Variants in GFRA2 observed in about 807,000 individuals in gnomAD.
GFRA2 encodes the protein GDNF family receptor alpha-2.
Under a neutral mutation model 48.3 loss-of-function variants are expected in GFRA2, and 17 were observed. That is an observed-to-expected ratio of 0.35 (90% CI 0.24 to 0.53). The LOEUF (loss-of-function observed/expected upper bound fraction) is 0.53, where lower values mean the gene tolerates loss of function less well. Ranked by LOEUF, GFRA2 falls within the 20% of genes least tolerant of loss-of-function variation. The pLI is 0.93. For synonymous variants in GFRA2, 305 were observed against 257.2 expected (o/e 1.19, Z -1.78); for missense variants, 660 against 637.3 (o/e 1.04, Z -0.38).
rs13262184 is a variant in GFRA2, at chr8:21,713,064, A to G, written c.795-7023T>C. Among the ~76,000 whole-genome samples the G allele has an allele frequency of 1.2e-3, 160 of 129,728 alleles. 1 individual carries two copies. The highest frequency in any genetic ancestry group is 4.2e-3 in the African/African-American group (115 of 27,364). The allele number at this position is 129,728 out of a possible 152,430, so 85.1% of individuals were successfully genotyped here. ...GGGAGAGGGAGAGGGAGACGAGGGA[A>G]AGGGAGAGGGAGAGGGAGAGGCAGA... On this transcript the variant is annotated intron_variant, in intron 4 of 8. Coordinates refer to ENST00000524240, the MANE Select transcript of GFRA2 (RefSeq NM_001495.5).
chr8:21,768,683 A>G (rs1231573431), intron 3 of GFRA2, among the ~76,000 whole-genome samples: 2 of 152,098 alleles, frequency 1.3e-5, no homozygotes, highest in Non-Finnish European at 2.9e-5. Flanking sequence ...CCAAGGCCAC[A>G]GGGGTGTCTT....
chr8:21,777,331 G>T (rs1302987862), intron 2 of GFRA2, among the ~76,000 whole-genome samples: 2 of 151,946 alleles, frequency 1.3e-5, no homozygotes, highest in Non-Finnish European at 2.9e-5. Context: ...GTGGTGTGGG[G>T]GCCTGTCCTT....
chr8:21,701,422 T>C (rs1361934400), intron 7 of GFRA2, among the ~76,000 whole-genome samples: 1 of 152,078 alleles, frequency 6.6e-6, no homozygotes, highest in East Asian at 1.9e-4. Context: ...AATAAAAACA[T>C]TGTAATTAAA....
chr8:21,759,905 AAG>A (rs1805814522), intron 3 of GFRA2, among the ~76,000 whole-genome samples: 1 of 151,828 alleles, frequency 6.6e-6, no homozygotes, highest in East Asian at 1.9e-4. Context: ...AAAAAAAAAA[AAG>A]AATGACCAGC....
At position 21,693,285 on chromosome 8, in the gene GFRA2, G is replaced by C; in HGVS notation, c.1388C>G (p.Ala463Gly). The C allele has an allele frequency of 6.2e-7, 1 of 1,611,962 alleles. No homozygotes were observed. Among genetic ancestry groups the C allele is most frequent in the Non-Finnish European group, 8.5e-7 (1 of 1,178,942 alleles). ...TGACTCGGTTCCCACAGCCTACAAGGCCAGTTTCAGCATCAGGACAGACAG... is the reference window on the plus strand; with the variant it reads ...TGACTCGGTTCCCACAGCCTACAAGCCCAGTTTCAGCATCAGGACAGACAG... The part of the protein sequence containing the change: ...TVLSVLMLKL[A>G]L Residue 463 changes from alanine to glycine, a missense_variant, in exon 9 of 9, where the codon GCC becomes GGC. Coordinates refer to ENST00000524240, the MANE Select transcript of GFRA2 (RefSeq NM_001495.5).
Position 21,697,448 on chromosome 8 carries a change from G to A in GFRA2, c.1219-2931C>T, listed in dbSNP as rs541470524. Among the ~76,000 whole-genome samples, 5 of 152,156 alleles carry A rather than the reference G, an allele frequency of 3.3e-5. No individual in the cohort carries two copies. In the Middle Eastern group the frequency reaches 0.017, roughly 518 times the overall value. ...CATCCCAAGGGACATCTGCCCCAAG[G>A]TGTGGTCTCTGCCAGGGGCAACAGG... On this transcript the variant is annotated intron_variant, in intron 7 of 8. Transcript: ENST00000524240.
At chr8:21,761,461 TG>T (rs940789965) in intron 3 of GFRA2, among the ~76,000 whole-genome samples, 7 of 152,346 alleles carry the variant, frequency 4.6e-5, no homozygotes, top group Admixed American at 4.6e-4. Context: ...AGGACCTGGC[TG>T]GGCCACTATC....
At chr8:21,754,578 G>A (rs569944174) in intron 3 of GFRA2, among the ~76,000 whole-genome samples, 29 of 148,970 alleles carry the variant, frequency 1.9e-4, no homozygotes, top group African/African-American at 4.2e-4. Context: ...GTGTGATCGC[G>A]GCTCACTGCA....
chr8:21,769,093 T>C, intron 3 of GFRA2: 1 of 779,066 alleles, frequency 1.3e-6, no homozygotes, highest in Non-Finnish European at 1.6e-6. Context: ...ACAAGCCACT[T>C]AGGGAGTGCC....
chr8:21,772,044 G>C (rs1040654439), intron 3 of GFRA2, among the ~76,000 whole-genome samples: 11 of 152,154 alleles, frequency 7.2e-5, no homozygotes, highest in African/African-American at 1.7e-4. Flanking sequence ...CAGGAGGCTC[G>C]TGATGGCCTG....
At chr8:21,789,647 G>A (rs1807488002), upstream of GFRA2, among the ~76,000 whole-genome samples, 2 of 152,034 alleles carry the variant, frequency 1.3e-5, no homozygotes, top group South Asian at 4.1e-4. Context: ...GCCGGCCCCG[G>A]CCTAGCCCCG....
In GFRA2 at chr8:21,760,224, G is replaced by A. The variant is rs143931865; in HGVS notation, c.440-9282C>T. On this transcript the variant is annotated intron_variant, in intron 3 of 8. Coordinates refer to ENST00000524240, the MANE Select transcript of GFRA2 (RefSeq NM_001495.5). ...CAGATTTTATTCTAAAATGCAAAGCGCTGGAGAGCATTAAGGAGGAAGGCA... is the reference window on the plus strand; with the variant it reads ...CAGATTTTATTCTAAAATGCAAAGCACTGGAGAGCATTAAGGAGGAAGGCA... Among the ~76,000 whole-genome samples, 146 of 152,324 alleles carry A rather than the reference G, an allele frequency of 9.6e-4. 1 individual carries two copies. The highest frequency in any genetic ancestry group is 3.3e-3 in the African/African-American group (138 of 41,580).
chr8:21,784,713 C>T (rs1406099395), intron 1 of GFRA2, among the ~76,000 whole-genome samples: 1 of 152,208 alleles, frequency 6.6e-6, no homozygotes, highest in African/African-American at 2.4e-5. Context: ...GCCCTTCTCC[C>T]ACTGACCAGA....
chr8:21,717,564 T>C (rs1342794356), intron 4 of GFRA2, among the ~76,000 whole-genome samples: 1 of 152,236 alleles, frequency 6.6e-6, no homozygotes. Flanking sequence ...TTAATTGAAC[T>C]AGGCCTCAGG....
chr8:21,786,386 G>T (rs2117086575), intron 1 of GFRA2, among the ~76,000 whole-genome samples: 1 of 152,366 alleles, frequency 6.6e-6, no homozygotes, highest in South Asian at 2.1e-4. Flanking sequence ...GGGGTATGCA[G>T]CTCAGCAGTA....
chr8:21,781,734 C>T (rs1276177218), intron 2 of GFRA2, among the ~76,000 whole-genome samples: 1 of 152,144 alleles, frequency 6.6e-6, no homozygotes, highest in African/African-American at 2.4e-5. Flanking sequence ...TAGAGTGTAG[C>T]AGACAGTACG....
At chr8:21,720,512 C>T (rs1464841629) in intron 4 of GFRA2, among the ~76,000 whole-genome samples, 1 of 152,110 alleles carries the variant, frequency 6.6e-6, no homozygotes, top group Non-Finnish European at 1.5e-5. Context: ...AGGAGAAGTC[C>T]CTGGGCTTCC....
chr8:21,737,284 G>A (rs1437642571), intron 4 of GFRA2, among the ~76,000 whole-genome samples: 2 of 151,998 alleles, frequency 1.3e-5, no homozygotes, highest in African/African-American at 2.4e-5. Context: ...CTGGAGAATC[G>A]CTTGAACCTG....
rs1803300715 is a variant in GFRA2, at chr8:21,715,763, C to CT, written c.795-9723dup. ...GGCAGGCAAGGAAAAACATGCTTTT[C>CT]TTTTTGGTTCTAAGATACAACAGAT... On this transcript the variant is annotated intron_variant, in intron 4 of 8. Transcript: ENST00000524240. 4.6e-5 allele frequency among the ~76,000 whole-genome samples: 7 copies of CT among 152,288 alleles called. No homozygotes were observed. The South Asian group carries it at 1.5e-3, about 32-fold the overall frequency.
Sources: allele counts gnomAD v4.1 joint callset (sites outside exome capture counted in the v4.1 genomes callset), GRCh38; gene constraint gnomAD v4.1.1; transcripts MANE v1.5; gene names NCBI Gene and HGNC (gene_info 2026-07-23, HGNC 2026-07-21).